The following ADGRF5 variants were observed in gnomAD, a reference collection of about 807,000 sequenced individuals.
ADGRF5 encodes the protein adhesion G protein-coupled receptor F5, also known as G-protein coupled receptor 116.
ADGRF5 carries 75 observed loss-of-function variants against 132.3 expected under a neutral mutation model. The ratio of observed to expected loss-of-function variants is 0.57; its 90% CI spans 0.47 to 0.69. ADGRF5 has a LOEUF of 0.69. Among genes scored for constraint, ADGRF5 ranks in the 30% least tolerant of loss-of-function variants. The pLI is 0.00. For missense variants in ADGRF5, 1,516 were observed against 1,630.6 expected, an observed-to-expected ratio of 0.93 and a Z score of 1.21; for synonymous variants, 629 against 597.6, an observed-to-expected ratio of 1.05 and a Z score of -0.77.
At chr6:46,854,784 G>A (rs1222529971) in intron 20 of ADGRF5, 45 of 1,286,158 alleles carry the variant, frequency 3.5e-5, no homozygotes, top group Non-Finnish European at 4.4e-5. Context: ...AGGGGCTGCT[G>A]ACAACATAAA....
chr6:46,918,585 G>A (rs1363191103), intron 1 of ADGRF5, among the ~76,000 whole-genome samples: 1 of 152,162 alleles, frequency 6.6e-6, no homozygotes, highest in Admixed American at 6.5e-5. Context: ...GGCATTAGAA[G>A]AGCACATCCT....
chr6:46,858,506 A>G lies in ADGRF5; in HGVS notation c.3397T>C (p.Cys1133Arg). The change falls in exon 17 of 21, where the codon TGT (cysteine) becomes CGT (arginine). Residue 1133 changes from cysteine (C) to arginine (R), a missense_variant. Physicochemically the swap from Cys to Arg is radical, Grantham distance 180. Coordinates refer to ENST00000283296, the MANE Select transcript of ADGRF5 (RefSeq NM_001098518.2). ...SRSTQKAIAFCLGYGCPLAIS... is the reference protein window; with the variant it reads ...SRSTQKAIAFRLGYGCPLAIS... ...GCAAGTGGGCAGCCATAGCCAAGAC[A>G]GAAGGCAATGGCTTTCTGAGTGGAC... The G allele has an allele frequency of 1.2e-6, 2 of 1,613,950 alleles. No individual in the cohort carries two copies. The highest frequency in any genetic ancestry group is 1.7e-6 in the Non-Finnish European group (2 of 1,179,862).
intron 10 of ADGRF5, among the ~76,000 whole-genome samples, chr6:46,873,614 C>G (rs1771326918): frequency 3.3e-5 from 5 of 152,078 alleles, no homozygotes; most frequent in Admixed American, 2.6e-4. Flanking sequence ...TCTATTCTCT[C>G]TGCAGGCAAT....
At chr6:46,859,572 T>C (rs771310860) in intron 16 of ADGRF5, 49 bp from the exon 17 acceptor site, 2 of 1,189,370 alleles carry the variant, frequency 1.7e-6, no homozygotes, top group Non-Finnish European at 2.4e-6. Flanking sequence ...CTTTCAATCA[T>C]AAAAAAGAAA....
intron 1 of ADGRF5, among the ~76,000 whole-genome samples, chr6:46,938,120 T>C (rs1221232973): frequency 6.6e-6 from 1 of 152,220 alleles, no homozygotes. Context: ...AGTTTAATTT[T>C]AGTGTTTGGG....
At chr6:46,886,584 G>A (rs922231932) in intron 4 of ADGRF5, 5 of 152,254 alleles carry the variant, frequency 3.3e-5, no homozygotes, top group Admixed American at 6.5e-5. Flanking sequence ...GGTATTGTTC[G>A]GTGCTTTACT....
chr6:46,930,291 G>A lies in ADGRF5; in HGVS notation c.-24-23505C>T, dbSNP rs191612295. 4.6e-5 allele frequency among the ~76,000 whole-genome samples: 7 copies of A among 152,296 alleles called. No homozygotes were observed. The South Asian group carries it at 1.2e-3, about 27-fold the overall frequency. ...TCTGTAGCAGGATTTGGGAAGCAAC[G>A]GGAAAACCTGTTTATCTGTACCTCA... On this transcript the variant is annotated intron_variant, in intron 1 of 20. Transcript: ENST00000265417.
intron 3 of ADGRF5, among the ~76,000 whole-genome samples, chr6:46,889,201 AT>A (rs1442210136): frequency 3.7e-4 from 54 of 147,382 alleles, no homozygotes; most frequent in African/African-American, 9.1e-4. Flanking sequence ...ATATATATAT[AT>A]ATAAAATATA....
chr6:46,898,823 G>A (rs1187005241), intron 3 of ADGRF5, among the ~76,000 whole-genome samples: 2 of 152,062 alleles, frequency 1.3e-5, no homozygotes, highest in African/African-American at 2.4e-5. Context: ...AATGTGATAG[G>A]GTAAAAAATT....
chr6:46,858,415 C>T lies in ADGRF5; in HGVS notation c.3488G>A (p.Trp1163Ter). 1.2e-6 allele frequency: 2 copies of T among 1,613,936 alleles called. No homozygotes were observed. Among genetic ancestry groups the T allele is most frequent in the Non-Finnish European group, 1.7e-6 (2 of 1,179,872 alleles). The change falls in exon 17 of 21, where the codon TGG (tryptophan) becomes TAG (stop). Residue 1163 changes from tryptophan to a stop codon, truncating the protein, a stop_gained. Coordinates refer to ENST00000283296, the MANE Select transcript of ADGRF5 (RefSeq NM_001098518.2). LOFTEE classifies it high-confidence loss of function. ...GGCCTTGGTGTCCTCCCAGTTGAGCCAACAGACATTCTTCCTCGTATAGAC... is the reference window on the plus strand; with the variant it reads ...GGCCTTGGTGTCCTCCCAGTTGAGCTAACAGACATTCTTCCTCGTATAGAC... Reference protein sequence around the residue: ...REVYTRKNVCWLNWEDTKALL... With the variant: ...REVYTRKNVC
In ADGRF5 at chr6:46,930,522, G is replaced by A. The variant is rs141799329; in HGVS notation, c.-24-23736C>T. The stretch of plus-strand genomic sequence containing the variant: ...AGGAGGACAATGAGGGTAGAAAGAA[G>A]TGGGAAATGGTGTGGGGATGGTATT... On this transcript the variant is annotated intron_variant, in intron 1 of 20. Coordinates refer to the ADGRF5 transcript ENST00000265417. Among the ~76,000 whole-genome samples the A allele has an allele frequency of 1.9e-3, 282 of 152,154 alleles. 4 individuals are homozygous for A. Among genetic ancestry groups the A allele is most frequent in the African/African-American group, 6.5e-3 (269 of 41,382 alleles).
chr6:46,892,693 T>C (rs964868243), intron 3 of ADGRF5, among the ~76,000 whole-genome samples: 2 of 152,086 alleles, frequency 1.3e-5, no homozygotes, highest in Non-Finnish European at 2.9e-5. Context: ...GAGGTTGCAG[T>C]GAGCCGAGAT....
intron 1 of ADGRF5, among the ~76,000 whole-genome samples, chr6:46,943,381 C>T (rs1410406219): frequency 6.6e-6 from 1 of 152,176 alleles, no homozygotes; most frequent in East Asian, 1.9e-4. Context: ...ATAGGATATT[C>T]ATTCACTGGA....
intron 1 of ADGRF5, among the ~76,000 whole-genome samples, chr6:46,928,925 T>A (rs1012828307): frequency 6.6e-6 from 1 of 152,208 alleles, no homozygotes; most frequent in African/African-American, 2.4e-5. Context: ...ATTGTGGATG[T>A]CAGTGTGGCG....
intron 1 of ADGRF5, among the ~76,000 whole-genome samples, chr6:46,953,651 G>GTATATATATATA (rs61302381): frequency 1.9e-3 from 80 of 42,146 alleles, no homozygotes; most frequent in Middle Eastern, 0.018. Context: ...AGATATATGT[G>GTATATATATATA]TATATATATA....
chr6:46,867,051 T>G lies in ADGRF5; in HGVS notation c.1708A>C (p.Asn570His), dbSNP rs202045429. ...VIVHPLPLKL[N>H]IMVDPLEATV... is the part of the protein sequence containing the mutation. Reference sequence around the variant, plus strand: ...GCTTCCAAAGGATCAACCATGATGTTCAGCTTTAGAGGCAGCGGGTGAACA... The same window carrying G: ...GCTTCCAAAGGATCAACCATGATGTGCAGCTTTAGAGGCAGCGGGTGAACA... The change falls in exon 13 of 21, where the codon AAC (asparagine) becomes CAC (histidine). Residue 570 changes from asparagine (N) to histidine (H), a missense_variant. Asn to His is a moderately conservative substitution (Grantham distance 68). Around this residue, in one of 2 missense-constraint regions of ADGRF5, gnomAD observed 945 missense variants for 929.4 expected, o/e 1.02. Coordinates refer to ENST00000283296, the MANE Select transcript of ADGRF5 (RefSeq NM_001098518.2). 1 of 1,613,732 alleles carries G rather than the reference T, an allele frequency of 6.2e-7. No homozygotes were observed. Among genetic ancestry groups the G allele is most frequent in the East Asian group, 2.2e-5 (1 of 44,878 alleles).
At chr6:46,915,892 T>C (rs1329522025) in intron 1 of ADGRF5, among the ~76,000 whole-genome samples, 1 of 152,184 alleles carries the variant, frequency 6.6e-6, no homozygotes, top group Admixed American at 6.5e-5. Context: ...TCTCCCTGGC[T>C]TGCGGTGGGT....
At chr6:46,887,094 A>G (rs1362545172) in intron 4 of ADGRF5, 2 of 152,216 alleles carry the variant, frequency 1.3e-5, no homozygotes, top group African/African-American at 2.4e-5. Context: ...TATATTGAAT[A>G]TATGTAAGAT....
At chr6:46,855,048 T>C (rs1271152478) in intron 20 of ADGRF5, among the ~76,000 whole-genome samples, 1 of 152,218 alleles carries the variant, frequency 6.6e-6, no homozygotes, top group African/African-American at 2.4e-5. Context: ...GAAGAAATCC[T>C]GGGGCTTATT....
Sources: allele counts gnomAD v4.1 joint callset (sites outside exome capture counted in the v4.1 genomes callset), GRCh38; gene constraint gnomAD v4.1.1; regional missense constraint gnomAD v4.1.1; transcripts MANE v1.5; gene names NCBI Gene and HGNC (gene_info 2026-07-23, HGNC 2026-07-21).